The following SWT1 variants were observed in gnomAD, a reference collection of about 807,000 sequenced individuals.
SWT1 encodes the protein transcriptional protein SWT1.
Under a neutral mutation model 107.3 loss-of-function variants are expected in SWT1, and 33 were observed. The observed-to-expected ratio is 0.31, with a 90% confidence interval of 0.23 to 0.41. The LOEUF (loss-of-function observed/expected upper bound fraction) is 0.41, where lower values mean the gene tolerates loss of function less well. Among genes scored for constraint, SWT1 ranks in the 10% least tolerant of loss-of-function variants. The pLI, the probability that SWT1 is intolerant of heterozygous loss-of-function variation, is 1.00. For missense variants in SWT1, 898 were observed against 1,028.9 expected, an observed-to-expected ratio of 0.87 and a Z score of 1.74; for synonymous variants, 345 against 348.3, an observed-to-expected ratio of 0.99 and a Z score of 0.11.
intron 16 of SWT1, among the ~76,000 whole-genome samples, chr1:185,245,333 A>G (rs1246238059): frequency 2.0e-5 from 3 of 152,116 alleles, no homozygotes; most frequent in Non-Finnish European, 2.9e-5. Context: ...CATCAGTGTC[A>G]CTGTCTTCCA....
At chr1:185,190,793 A>G in intron 10 of SWT1, 151 bp downstream of exon 10, 1 of 523,720 alleles carries the variant, frequency 1.9e-6, no homozygotes, top group East Asian at 2.9e-5. Flanking sequence ...TGACAGTCTT[A>G]TAATGTGTGA....
intron 5 of SWT1, among the ~76,000 whole-genome samples, chr1:185,179,004 C>T (rs1366734820): frequency 6.6e-6 from 1 of 152,204 alleles, no homozygotes; most frequent in East Asian, 1.9e-4. Flanking sequence ...GGCGCAGTGG[C>T]TCGTGCCTAT....
chr1:185,244,715 A>C (rs1038089379), intron 16 of SWT1, among the ~76,000 whole-genome samples: 2 of 152,212 alleles, frequency 1.3e-5, no homozygotes, highest in Non-Finnish European at 2.9e-5. Flanking sequence ...TTAGGTTGTT[A>C]TAACTTTTTA....
At chr1:185,228,552 T>G (rs1196304056) in intron 15 of SWT1, among the ~76,000 whole-genome samples, 1 of 152,128 alleles carries the variant, frequency 6.6e-6, no homozygotes, top group East Asian at 1.9e-4. Context: ...GTGAAGGACC[T>G]CTAAATTTTA....
At chr1:185,255,919 C>T (rs1171373017) in intron 16 of SWT1, among the ~76,000 whole-genome samples, 8 of 151,636 alleles carry the variant, frequency 5.3e-5, no homozygotes, top group Non-Finnish European at 7.4e-5. Flanking sequence ...CGGCTGGTAC[C>T]GGTTGTTCGT....
intron 15 of SWT1, among the ~76,000 whole-genome samples, chr1:185,228,198 T>C (rs35995990): frequency 0.37 from 46,869 of 128,200 alleles, 8,388 homozygotes; most frequent in African/African-American, 0.53. Flanking sequence ...TACATATATA[T>C]ATACTCAGTA....
At chr1:185,283,107 G>T (rs1188870609) in intron 18 of SWT1, among the ~76,000 whole-genome samples, 5 of 152,174 alleles carry the variant, frequency 3.3e-5, no homozygotes, top group Non-Finnish European at 7.4e-5. Context: ...CCATGGAGTT[G>T]GGTATGCCAC....
At chr1:185,232,922 T>C (rs979084820) in intron 16 of SWT1, among the ~76,000 whole-genome samples, 1 of 152,178 alleles carries the variant, frequency 6.6e-6, no homozygotes, top group Non-Finnish European at 1.5e-5. Context: ...TGCCTGGCAA[T>C]GAAGATTTAA....
intron 18 of SWT1, chr1:185,281,516 A>G (rs1351478572): frequency 9.5e-6 from 2 of 209,814 alleles, no homozygotes; most frequent in African/African-American, 4.7e-5. Flanking sequence ...CAAGCTACCC[A>G]TAAACCATCA....
rs907521535 is a variant in SWT1 at position 185,160,943 on chromosome 1, C to T, written c.84+18C>T. ...GTGAAAAAGTAAGAATTTTGATTTA[C>T]TGACCTAGAGATACATTTCAATTTA... On this transcript the variant is annotated intron_variant, in intron 2 of 18. Transcript: ENST00000367500. 6 of 1,563,064 alleles carry T rather than the reference C, an allele frequency of 3.8e-6. No homozygotes were observed. Among genetic ancestry groups the T allele is most frequent in the Non-Finnish European group, 5.3e-6 (6 of 1,135,792 alleles).
intron 18 of SWT1, among the ~76,000 whole-genome samples, chr1:185,282,920 ACTCC>A (rs1664726775): frequency 6.6e-6 from 1 of 151,888 alleles, no homozygotes; most frequent in Admixed American, 6.6e-5. Flanking sequence ...GGTTCCCATG[ACTCC>A]CTCTTCAGGT....
At position 185,290,865 on chromosome 1, in the gene SWT1, A is replaced by G. The variant is rs1665216370; in HGVS notation, c.*62A>G. On this transcript the variant is annotated 3_prime_UTR_variant, in exon 19 of 19. Transcript: ENST00000367500. ...CTTAAGAATAACAGAGTAGTTTTCA[A>G]TCTGGTCACTCTTTTGGGCCAAACC... 4 of 1,457,142 alleles carry G rather than the reference A, an allele frequency of 2.7e-6. No homozygotes were observed. The highest frequency in any genetic ancestry group is 1.3e-5 in the South Asian group (1 of 77,208). 90.3% of individuals were successfully genotyped at this position (1,457,142 alleles called of 1,614,324 possible).
chr1:185,171,627 G>A (rs1162271507), intron 4 of SWT1: 15 of 527,164 alleles, frequency 2.8e-5, no homozygotes. Context: ...TCTTCTATGG[G>A]GTGGGTGCAA....
intron 15 of SWT1, among the ~76,000 whole-genome samples, chr1:185,224,599 C>T (rs966957569): frequency 6.6e-6 from 1 of 152,060 alleles, no homozygotes; most frequent in African/African-American, 2.4e-5. Context: ...TTAATTCTTC[C>T]AATACATGAA....
intron 18 of SWT1, among the ~76,000 whole-genome samples, chr1:185,279,635 C>T (rs1208112957): frequency 6.6e-6 from 1 of 151,372 alleles, no homozygotes; most frequent in East Asian, 1.9e-4. Context: ...ATTTAGAGTA[C>T]ACAGTATCTT....
At position 185,174,608 on chromosome 1, in the gene SWT1, C is replaced by T. The variant is rs757032926; in HGVS notation, c.461C>T (p.Pro154Leu). 13 of 1,611,008 alleles carry T rather than the reference C, an allele frequency of 8.1e-6. No homozygotes were observed. The highest frequency in any genetic ancestry group is 1.1e-5 in the Non-Finnish European group (13 of 1,179,302). The change falls in exon 5 of 19, where the codon CCT (proline) becomes CTT (leucine). Residue 154 changes from proline to leucine, a missense_variant. Physicochemically the swap from Pro to Leu is moderately conservative, Grantham distance 98. Around this residue, in one of 6 missense-constraint regions of SWT1, gnomAD observed 382 missense variants for 362.4 expected, o/e 1.05. Transcript: ENST00000367500. ...CATGGAATTAAAAGCCTTAGTAGTC[C>T]TAAGATTGCCAGTGATGTGAAACCT... ...LDHGIKSLSS[P>L]KIASDVKPKA... is the part of the protein sequence containing the mutation.
chr1:185,214,191 A>T (rs187702514), intron 13 of SWT1, among the ~76,000 whole-genome samples: 1 of 152,166 alleles, frequency 6.6e-6, no homozygotes, highest in East Asian at 1.9e-4. Flanking sequence ...CTGTGGTTTG[A>T]CTTGTTTCTT....
intron 16 of SWT1, among the ~76,000 whole-genome samples, chr1:185,233,476 G>A (rs900302723): frequency 6.6e-6 from 1 of 152,130 alleles, no homozygotes; most frequent in African/African-American, 2.4e-5. Flanking sequence ...CTTTAAATGT[G>A]TCCCAGAGAT....
intron 16 of SWT1, among the ~76,000 whole-genome samples, chr1:185,259,346 G>T (rs1206445390): frequency 6.6e-6 from 1 of 152,130 alleles, no homozygotes; most frequent in African/African-American, 2.4e-5. Context: ...ATCAATAGGT[G>T]CAGGAATAAA....
Sources: allele counts gnomAD v4.1 joint callset (sites outside exome capture counted in the v4.1 genomes callset), GRCh38; gene constraint gnomAD v4.1.1; regional missense constraint gnomAD v4.1.1; transcripts MANE v1.5; gene names NCBI Gene and HGNC (gene_info 2026-07-23, HGNC 2026-07-21).